Variants in PTPRD observed in about 807,000 individuals in gnomAD.
PTPRD encodes the protein receptor-type tyrosine-protein phosphatase delta.
PTPRD carries 34 observed loss-of-function variants against 214.5 expected under a neutral mutation model. The ratio of observed to expected loss-of-function variants is 0.16; its 90% CI spans 0.12 to 0.21. The LOEUF is 0.21. Ranked by LOEUF, PTPRD falls within the 10% of genes least tolerant of loss-of-function variation. The pLI, the probability that PTPRD is intolerant of heterozygous loss-of-function variation, is 1.00. For synonymous variants in PTPRD, 1,128 were observed against 845.7 expected, an observed-to-expected ratio of 1.33 and a Z score of -5.79; for missense variants, 2,545 against 2,398.7, an observed-to-expected ratio of 1.06 and a Z score of -1.27.
At chr9:9,531,920 G>C (rs1354524269) in intron 8 of PTPRD, among the ~76,000 whole-genome samples, 2 of 151,716 alleles carry the variant, frequency 1.3e-5, no homozygotes, top group Non-Finnish European at 2.9e-5. Flanking sequence ...TTAATGCCTT[G>C]ATATAAATCT....
intron 6 of PTPRD, among the ~76,000 whole-genome samples, chr9:9,755,494 G>A (rs2098559025): frequency 6.6e-6 from 1 of 152,058 alleles, no homozygotes; most frequent in African/African-American, 2.4e-5. Flanking sequence ...GGCCTTTGGA[G>A]GCAAGCTGAT....
chr9:9,124,042 C>A (rs1486399744), intron 10 of PTPRD, among the ~76,000 whole-genome samples: 1 of 152,138 alleles, frequency 6.6e-6, no homozygotes, highest in Non-Finnish European at 1.5e-5. Flanking sequence ...TTTTGGTAAA[C>A]TGCCTAGGAA....
chr9:10,080,299 A>G (rs1293145636), intron 3 of PTPRD, among the ~76,000 whole-genome samples: 3 of 152,126 alleles, frequency 2.0e-5, no homozygotes, highest in Non-Finnish European at 4.4e-5. Flanking sequence ...AAATAGAAAT[A>G]ATGACAATTT....
intron 21 of PTPRD, among the ~76,000 whole-genome samples, chr9:8,513,055 T>C (rs1475171388): frequency 6.6e-6 from 1 of 152,026 alleles, no homozygotes; most frequent in Non-Finnish European, 1.5e-5. Flanking sequence ...ATACTTTCCT[T>C]GTCAATGGCC....
At chr9:10,377,150 G>A (rs868539973) in intron 2 of PTPRD, among the ~76,000 whole-genome samples, 2 of 151,822 alleles carry the variant, frequency 1.3e-5, no homozygotes, top group African/African-American at 4.8e-5. Context: ...AGTGAGAAAT[G>A]TGATGTTTGT....
intron 9 of PTPRD, among the ~76,000 whole-genome samples, chr9:9,215,608 G>T (rs1348361272): frequency 6.6e-6 from 1 of 152,148 alleles, no homozygotes; most frequent in African/African-American, 2.4e-5. Flanking sequence ...AGATTGTGGA[G>T]CTGAGGCACA....
At chr9:8,720,462 G>C (rs1392370975) in intron 12 of PTPRD, among the ~76,000 whole-genome samples, 2 of 152,192 alleles carry the variant, frequency 1.3e-5, no homozygotes, top group African/African-American at 4.8e-5. Context: ...ACCTTGATGA[G>C]AGGAACTGTA....
intron 10 of PTPRD, among the ~76,000 whole-genome samples, chr9:9,038,814 C>G (rs1192711828): frequency 1.3e-5 from 2 of 152,132 alleles, no homozygotes; most frequent in Non-Finnish European, 2.9e-5. Context: ...GCCTCGGACT[C>G]CCACAGTGTT....
chr9:8,727,667 TTTG>T (rs2098600082), intron 12 of PTPRD, among the ~76,000 whole-genome samples: 1 of 151,918 alleles, frequency 6.6e-6, no homozygotes, highest in Admixed American at 6.6e-5. Flanking sequence ...TGTTTGTTTG[TTTG>T]TTTTGAGACA....
At chr9:10,076,803 C>A (rs936123995) in intron 3 of PTPRD, among the ~76,000 whole-genome samples, 1 of 152,146 alleles carries the variant, frequency 6.6e-6, no homozygotes, top group African/African-American at 2.4e-5. Flanking sequence ...AATCTTATAT[C>A]CTTCCTCACA....
chr9:10,060,781 T>C (rs958903622), intron 3 of PTPRD, among the ~76,000 whole-genome samples: 1 of 125,286 alleles, frequency 8.0e-6, no homozygotes, highest in African/African-American at 5.2e-5. Flanking sequence ...CTTGCTTTTC[T>C]TTCTTTCTTT....
chr9:9,962,094 T>A (rs562582657), intron 4 of PTPRD, among the ~76,000 whole-genome samples: 1 of 152,104 alleles, frequency 6.6e-6, no homozygotes, highest in Admixed American at 6.6e-5. Context: ...ACATCCTGGG[T>A]CTTGCTTCTG....
intron 4 of PTPRD, among the ~76,000 whole-genome samples, chr9:9,956,024 G>A (rs1224434146): frequency 6.6e-6 from 1 of 152,010 alleles, no homozygotes; most frequent in Non-Finnish European, 1.5e-5. Context: ...ACATTTATTT[G>A]CAAATGTACC....
chr9:9,298,613 C>A (rs947080187), intron 9 of PTPRD, among the ~76,000 whole-genome samples: 9 of 151,544 alleles, frequency 5.9e-5, no homozygotes, highest in Non-Finnish European at 1.2e-4. Context: ...ATTATGATAA[C>A]CAAATCAGTA....
chr9:8,331,856 A>AGGAACATGTTTAAATAGAAACTTAG, intron 43 of PTPRD, 120 bp from the exon 44 acceptor site: 5 of 1,223,600 alleles, frequency 4.1e-6, no homozygotes, highest in Non-Finnish European at 5.5e-6. Flanking sequence ...AGAAAAAGTT[A>AGGAACATGTTTAAATAGAAACTTAG]GGAACATGTT....
intron 14 of PTPRD, among the ~76,000 whole-genome samples, chr9:8,611,746 A>C (rs1459713615): frequency 6.9e-6 from 1 of 144,610 alleles, no homozygotes; most frequent in Non-Finnish European, 1.5e-5. Context: ...AAGAAAAGAA[A>C]AGAAAAGAGA....
chr9:9,591,942 C>G (rs115917235), intron 7 of PTPRD, among the ~76,000 whole-genome samples: 5,130 of 152,148 alleles, frequency 0.034, 169 homozygotes, highest in African/African-American at 0.082. Flanking sequence ...TGTACCCAAT[C>G]ACCGGTCTCT....
At chr9:10,186,124 G>T (rs1467845667) in intron 3 of PTPRD, among the ~76,000 whole-genome samples, 1 of 151,770 alleles carries the variant, frequency 6.6e-6, no homozygotes, top group Non-Finnish European at 1.5e-5. Context: ...GAAAGTAGAG[G>T]ACTCATCCTC....
intron 39 of PTPRD, among the ~76,000 whole-genome samples, chr9:8,371,206 G>T (rs754793636): frequency 1.3e-5 from 2 of 151,972 alleles, no homozygotes; most frequent in Non-Finnish European, 2.9e-5. Context: ...CTCTCATAAA[G>T]AAATACCCCA....
Sources: gnomAD v4.1 joint callset for allele counts (sites outside exome capture counted in the v4.1 genomes callset) on GRCh38, gnomAD v4.1.1 for gene constraint, MANE v1.5 for transcripts, NCBI Gene and HGNC (gene_info 2026-07-23, HGNC 2026-07-21) for gene names.